The following FLOT2 variants were observed in gnomAD, a reference collection of about 807,000 sequenced individuals.
The protein encoded by FLOT2 is flotillin 2.
In FLOT2, 35 loss-of-function variants were observed where a neutral mutation model predicts 54.9. The ratio of observed to expected loss-of-function variants is 0.64; its 90% confidence interval spans 0.49 to 0.84. FLOT2 has a LOEUF of 0.84. Ranked by LOEUF, FLOT2 falls within the 40% of genes least tolerant of loss-of-function variation. The pLI is 0.00. For missense variants in FLOT2, 464 were observed against 572.1 expected (o/e 0.81, Z 1.93); for synonymous variants, 207 against 228.9 (o/e 0.90, Z 0.86).
chr17:28,887,521 G>C (rs1040647388), intron 2 of FLOT2, among the ~76,000 whole-genome samples: 3 of 152,234 alleles, frequency 2.0e-5, no homozygotes, highest in African/African-American at 7.2e-5. Flanking sequence ...TTCCAAACTT[G>C]CTGTCAGAAA....
In FLOT2 at chr17:28,883,063, C is replaced by T. The variant is rs1438274680; in HGVS notation, c.346+45G>A. ...AGCCCTGCACACCTCCCTGCCTTGG[C>T]TTAGGGGCCCCGTGAGGCTCCTCAA... On this transcript the variant is annotated intron_variant, in intron 4 of 10. Transcript: ENST00000394908. The surrounding 1 kb of genome is among the most constrained non-coding windows in gnomAD (Gnocchi z 5.0). 2.5e-6 allele frequency: 4 copies of T among 1,607,496 alleles called. No individual in the cohort carries two copies. Among genetic ancestry groups the T allele is most frequent in the Non-Finnish European group, 3.4e-6 (4 of 1,174,996 alleles).
chr17:28,880,136 C>A lies in FLOT2; in HGVS notation c.*425G>T. 1 of 1,039,646 alleles carries A rather than the reference C, an allele frequency of 9.6e-7. No homozygotes were observed. Among genetic ancestry groups the A allele is most frequent in the Non-Finnish European group, 1.2e-6 (1 of 862,358 alleles). 64.4% of individuals were successfully genotyped at this position (1,039,646 alleles called of 1,614,324 possible). A position where few individuals can be genotyped will look rare whatever the true frequency, so the allele number is the denominator to read the frequency against. On this transcript the variant is annotated 3_prime_UTR_variant, in exon 11 of 11. Coordinates refer to ENST00000394908, the MANE Select transcript of FLOT2 (RefSeq NM_004475.3). ...GACCGTCCTACCCAGAACCCCTGCC[C>A]ATGCTGAGCTCTGGCCAGGGCCATA...
At chr17:28,893,769 T>C (rs541028930) in intron 1 of FLOT2, among the ~76,000 whole-genome samples, 1 of 152,362 alleles carries the variant, frequency 6.6e-6, no homozygotes, top group African/African-American at 2.4e-5. Flanking sequence ...AAACCGATGT[T>C]ATTCATAGAT....
Position 28,897,361 on chromosome 17 carries a change from G to A in FLOT2, c.49+165C>T, listed in dbSNP as rs900672620. 88 of 602,208 alleles carry A rather than the reference G, an allele frequency of 1.5e-4. No homozygotes were observed. In the East Asian group the frequency reaches 2.8e-3, roughly 19 times the overall value. The allele number at this position is 602,208 out of a possible 1,614,324, so 37.3% of individuals were successfully genotyped here. On this transcript the variant is annotated intron_variant, in intron 1 of 10. Coordinates refer to ENST00000394908, the MANE Select transcript of FLOT2 (RefSeq NM_004475.3). The surrounding 1 kb of genome is among the most constrained non-coding windows in gnomAD (Gnocchi z 4.4). Reference sequence around the variant, plus strand: ...TGCCCGAGGGTGCGCAGCAAGGAAAGCGTGAGCACGAGATCTCTCTTGGAA... The same window carrying A: ...TGCCCGAGGGTGCGCAGCAAGGAAAACGTGAGCACGAGATCTCTCTTGGAA...
Position 28,880,511 on chromosome 17 carries a change from G to A in FLOT2, c.*50C>T, listed in dbSNP as rs2152645774. 1 of 1,602,054 alleles carries A rather than the reference G, an allele frequency of 6.2e-7. No homozygotes were observed. The highest frequency in any genetic ancestry group is 2.2e-5 in the East Asian group (1 of 44,778). Reference sequence around the variant, plus strand: ...GTTGTTCTGTGGGATTAAAACGGGTGCTGGAGGGAGGGCCGGGTGGCTGCT... The same window carrying A: ...GTTGTTCTGTGGGATTAAAACGGGTACTGGAGGGAGGGCCGGGTGGCTGCT... On this transcript the variant is annotated 3_prime_UTR_variant, in exon 11 of 11. Coordinates refer to ENST00000394908, the MANE Select transcript of FLOT2 (RefSeq NM_004475.3).
In FLOT2 at chr17:28,889,178, GAGA is replaced by G. The variant is rs1567934777; in HGVS notation, c.50-155_50-153del. On this transcript the variant is annotated intron_variant, in intron 1 of 10. Coordinates refer to ENST00000394908, the MANE Select transcript of FLOT2 (RefSeq NM_004475.3). ...GTGCTGAGGTTACACATCAATGAGA[GAGA>G]AGTTCTCCCTACCCTTATGGGAGTT... The G allele has an allele frequency of 4.6e-6, 3 of 656,932 alleles. No individual in the cohort carries two copies. The East Asian group carries it at 8.2e-5, about 18-fold the overall frequency. The allele number at this position is 656,932 out of a possible 1,614,324, so 40.7% of individuals were successfully genotyped here. A position where few individuals can be genotyped will look rare whatever the true frequency, so the allele number is the denominator to read the frequency against.
Position 28,888,021 on chromosome 17 carries a change from C to T in FLOT2, c.131+924G>A, listed in dbSNP as rs41280136. ...GCTTGGTGCAGACGTGAGCTGCTGA[C>T]GGGTGGGGGATGGGGCAGAGGGGGT... On this transcript the variant is annotated intron_variant, in intron 2 of 10. Transcript: ENST00000394908. Among the ~76,000 whole-genome samples the T allele has an allele frequency of 1.3e-3, 193 of 152,260 alleles. 1 individual carries two copies. Among genetic ancestry groups the T allele is most frequent in the South Asian group, 2.5e-3 (12 of 4,828 alleles).
chr17:28,894,928 T>C (rs544820411), intron 1 of FLOT2, among the ~76,000 whole-genome samples: 1 of 137,298 alleles, frequency 7.3e-6, no homozygotes, highest in South Asian at 2.5e-4. Flanking sequence ...TATTTATTTA[T>C]TGAAACAGGG....
Position 28,889,024 on chromosome 17 carries a change from C to G in FLOT2, c.52G>C (p.Gly18Arg). The G allele has an allele frequency of 6.2e-7, 1 of 1,614,050 alleles. No homozygotes were observed. Among genetic ancestry groups the G allele is most frequent in the Non-Finnish European group, 8.5e-7 (1 of 1,179,966 alleles). The change falls in exon 2 of 11, where the codon GGC (glycine) becomes CGC (arginine). Residue 18 changes from glycine to arginine, a missense_variant and splice_region_variant. Gly to Arg is a moderately radical substitution (Grantham distance 125). Coordinates refer to ENST00000394908, the MANE Select transcript of FLOT2 (RefSeq NM_004475.3). ...TGTTTATAGTCGGAACCACAACAGCCCCCTGGGGAGCAAAGCAAACCACCG... is the reference window on the plus strand; with the variant it reads ...TGTTTATAGTCGGAACCACAACAGCGCCCTGGGGAGCAAAGCAAACCACCG... ...GPNEALVVSG[G>R]CCGSDYKQYV... is the part of the protein sequence containing the mutation.
intron 2 of FLOT2, among the ~76,000 whole-genome samples, chr17:28,886,897 A>G (rs575111230): frequency 3.3e-5 from 5 of 152,086 alleles, no homozygotes; most frequent in Non-Finnish European, 5.9e-5. Context: ...AGATGTGCAA[A>G]AGTTGCCTTC....
intron 10 of FLOT2, 39 bp downstream of exon 10, chr17:28,880,674 C>T: frequency 6.2e-7 from 1 of 1,613,882 alleles, no homozygotes; most frequent in East Asian, 2.2e-5. Flanking sequence ...GTCCGACGGG[C>T]TACCTGGGCA....
In FLOT2 at chr17:28,880,224, A is replaced by G; in HGVS notation, c.*337T>C. Reference sequence around the variant, plus strand: ...CAGGATTCTGAGGAGCAGCAGGGCCACCCCCCACAGAGAGTGATTGTAATA... The same window carrying G: ...CAGGATTCTGAGGAGCAGCAGGGCCGCCCCCCACAGAGAGTGATTGTAATA... On this transcript the variant is annotated 3_prime_UTR_variant, in exon 11 of 11. Transcript: ENST00000394908. 1 of 1,170,406 alleles carries G rather than the reference A, an allele frequency of 8.5e-7. No individual in the cohort carries two copies. Among genetic ancestry groups the G allele is most frequent in the Non-Finnish European group, 1.1e-6 (1 of 941,640 alleles). The allele number at this position is 1,170,406 out of a possible 1,614,324, so 72.5% of individuals were successfully genotyped here.
intron 2 of FLOT2, among the ~76,000 whole-genome samples, chr17:28,887,895 G>C (rs571855483): frequency 6.6e-6 from 1 of 152,140 alleles, no homozygotes; most frequent in African/African-American, 2.4e-5. Context: ...AGAGTGCAGC[G>C]GTTACTGAGA....
chr17:28,890,371 A>G (rs1341047037), intron 1 of FLOT2, among the ~76,000 whole-genome samples: 1 of 150,624 alleles, frequency 6.6e-6, no homozygotes, highest in Non-Finnish European at 1.5e-5. Context: ...GAAACGAGAA[A>G]AATCAATTCC....
intron 1 of FLOT2, among the ~76,000 whole-genome samples, chr17:28,895,769 A>T (rs764128963): frequency 4.6e-5 from 7 of 152,166 alleles, no homozygotes; most frequent in Non-Finnish European, 8.8e-5. Flanking sequence ...AAATTTTCAA[A>T]AGTAGAGAGA....
Position 28,882,919 on chromosome 17 carries a change from C to T in FLOT2, c.346+189G>A. 1 of 657,100 alleles carries T rather than the reference C, an allele frequency of 1.5e-6. No homozygotes were observed. The highest frequency in any genetic ancestry group is 2.6e-6 in the Non-Finnish European group (1 of 386,386). 40.7% of individuals were successfully genotyped at this position (657,100 alleles called of 1,614,324 possible). Reference sequence around the variant, plus strand: ...CTAGGTTCCTGAGCAGACCGACAGCCCCCATCCCACCCCTTCACTCATACC... The same window carrying T: ...CTAGGTTCCTGAGCAGACCGACAGCTCCCATCCCACCCCTTCACTCATACC... On this transcript the variant is annotated intron_variant, in intron 4 of 10. Coordinates refer to ENST00000394908, the MANE Select transcript of FLOT2 (RefSeq NM_004475.3). The surrounding 1 kb of genome is among the most constrained non-coding windows in gnomAD (Gnocchi z 5.6).
intron 2 of FLOT2, chr17:28,885,797 G>A (rs1169993534): frequency 8.6e-7 from 1 of 1,164,230 alleles, no homozygotes; most frequent in East Asian, 2.6e-5. Context: ...TGTCTGCCAG[G>A]CCCCGCAGGG....
In FLOT2 at chr17:28,882,024, G is replaced by C; in HGVS notation, c.704C>G (p.Ala235Gly). The C allele has an allele frequency of 6.2e-7, 1 of 1,614,170 alleles. No individual in the cohort carries two copies. Among genetic ancestry groups the C allele is most frequent in the Non-Finnish European group, 8.5e-7 (1 of 1,180,038 alleles). The change falls in exon 8 of 11, where the codon GCT (alanine) becomes GGT (glycine). Residue 235 changes from alanine to glycine, a missense_variant. Physicochemically the swap from Ala to Gly is moderately conservative, Grantham distance 60. Coordinates refer to ENST00000394908, the MANE Select transcript of FLOT2 (RefSeq NM_004475.3). This position sits in a 1 kb window ranked among gnomAD's most constrained non-coding sequence, Gnocchi z 5.6. The part of the protein sequence containing the change: ...AFSEEVNIKT[A>G]EAQLAYELQG... ...CAGCTCATAGGCCAACTGGGCCTCA[G>C]CTGTCTGTGGCAAGAGGGTGTGTGG...
chr17:28,881,729 A>C (rs2039451686), intron 8 of FLOT2, 85 bp downstream of exon 8: 21 of 1,252,256 alleles, frequency 1.7e-5, no homozygotes, highest in Non-Finnish European at 2.4e-5. Context: ...GTGGCTTCCA[A>C]GCTGTGGTCA....
Sources: allele counts gnomAD v4.1 joint callset (sites outside exome capture counted in the v4.1 genomes callset), GRCh38; gene constraint gnomAD v4.1.1; non-coding constraint Gnocchi (gnomAD v3.1); transcripts MANE v1.5; gene names NCBI Gene and HGNC (gene_info 2026-07-23, HGNC 2026-07-21).